The following KCNJ3 variants were observed in gnomAD, a reference collection of about 807,000 sequenced individuals.
The protein encoded by KCNJ3 is potassium inwardly rectifying channel subfamily J member 3, also known as G protein-activated inward rectifier potassium channel 1.
A neutral mutation model predicts 39.2 loss-of-function variants in KCNJ3; 4 were observed. The observed-to-expected ratio is 0.10, with a 90% confidence interval of 0.05 to 0.23. The LOEUF (loss-of-function observed/expected upper bound fraction) is 0.23. Ranked by LOEUF, KCNJ3 falls within the 10% of genes least tolerant of loss-of-function variation. The probability of loss-of-function intolerance (pLI) is 1.00; values close to 1 mark genes in which losing one functional copy is unlikely to be tolerated. For missense variants in KCNJ3, 276 were observed against 634.9 expected, an observed-to-expected ratio of 0.43 and a Z score of 6.08; for synonymous variants, 230 against 237.4, an observed-to-expected ratio of 0.97 and a Z score of 0.29.
At position 154,723,087 on chromosome 2, in the gene KCNJ3, A is replaced by C. The variant is rs984480517; in HGVS notation, c.919+13268A>C. ...CTTGAGCCCCCAGGAATTCAAGACC[A>C]ACCTGGGCAATATAAGAAGACCCTC... On this transcript the variant is annotated intron_variant, in intron 2 of 2. Transcript: ENST00000295101. Among the ~76,000 whole-genome samples the C allele has an allele frequency of 5.3e-5, 8 of 152,146 alleles. No homozygotes were observed. The East Asian group carries it at 1.6e-3, about 30-fold the overall frequency.
At chr2:154,725,536 T>TC (rs1685338952) in intron 2 of KCNJ3, among the ~76,000 whole-genome samples, 1 of 152,112 alleles carries the variant, frequency 6.6e-6, no homozygotes, top group Admixed American at 6.6e-5. Flanking sequence ...AGTGTTTTTT[T>TC]CCTAGAAATA....
chr2:154,849,364 G>A (rs1027209707), intron 2 of KCNJ3, among the ~76,000 whole-genome samples: 3 of 152,194 alleles, frequency 2.0e-5, no homozygotes, highest in South Asian at 2.1e-4. Flanking sequence ...TTTGTTTGAT[G>A]TACGTGTGAT....
intron 2 of KCNJ3, among the ~76,000 whole-genome samples, chr2:154,738,387 A>C (rs1010203067): frequency 6.6e-6 from 1 of 152,064 alleles, no homozygotes; most frequent in Non-Finnish European, 1.5e-5. Context: ...ATAATAACTT[A>C]ATTGCACATT....
intron 2 of KCNJ3, among the ~76,000 whole-genome samples, chr2:154,749,302 A>T (rs1443437942): frequency 1.3e-5 from 2 of 152,110 alleles, no homozygotes; most frequent in Admixed American, 1.3e-4. Flanking sequence ...ATGTGTATTT[A>T]TAGCAGGCTC....
intron 2 of KCNJ3, among the ~76,000 whole-genome samples, chr2:154,825,110 C>G (rs1009360216): frequency 1.3e-5 from 2 of 152,124 alleles, no homozygotes; most frequent in African/African-American, 4.8e-5. Flanking sequence ...AAGGTACTTT[C>G]TGGCTTCCCT....
chr2:154,709,702 C>G lies in KCNJ3; in HGVS notation c.802C>G (p.Leu268Val), dbSNP rs1487120736. Residue 268 changes from leucine (L) to valine (V), a missense_variant, in exon 2 of 3, where the codon CTC (leucine) becomes GTC (valine). Physicochemically the swap from Leu to Val is conservative, Grantham distance 32. Coordinates refer to ENST00000295101, the MANE Select transcript of KCNJ3 (RefSeq NM_002239.4). ...AGATCAACTTTTTCTTGTGTCCCCC[C>G]TCACAATTTGCCACGTGATCGATGC... ...GADQLFLVSP[L>V]TICHVIDAKS... 3 of 1,613,808 alleles carry G rather than the reference C, an allele frequency of 1.9e-6. No homozygotes were observed.
chr2:154,745,269 T>TTA (rs1685720976), intron 2 of KCNJ3, among the ~76,000 whole-genome samples: 1 of 152,044 alleles, frequency 6.6e-6, no homozygotes, highest in Non-Finnish European at 1.5e-5. Context: ...TTCTATATCC[T>TTA]TACTAGGTTT....
intron 2 of KCNJ3, among the ~76,000 whole-genome samples, chr2:154,796,751 G>A (rs1431366230): frequency 2.0e-5 from 3 of 152,088 alleles, no homozygotes; most frequent in Non-Finnish European, 2.9e-5. Context: ...TACCTTGTTA[G>A]CATTATTGCA....
At chr2:154,700,342 A>C (rs1194362004) in intron 1 of KCNJ3, among the ~76,000 whole-genome samples, 4 of 152,230 alleles carry the variant, frequency 2.6e-5, no homozygotes, top group African/African-American at 9.6e-5. Flanking sequence ...TCTAGTCGTT[A>C]GAGGGCACCA....
intron 2 of KCNJ3, among the ~76,000 whole-genome samples, chr2:154,745,052 G>C (rs1423143262): frequency 6.6e-6 from 1 of 151,746 alleles, no homozygotes; most frequent in East Asian, 1.9e-4. Context: ...TTCTGTCTCT[G>C]GTTTCTAGTT....
intron 2 of KCNJ3, among the ~76,000 whole-genome samples, chr2:154,818,780 A>G (rs1343213757): frequency 6.6e-6 from 1 of 152,190 alleles, no homozygotes; most frequent in Non-Finnish European, 1.5e-5. Flanking sequence ...CATGCATGGA[A>G]GTTTCAAAAC....
At chr2:154,774,960 G>A (rs1306133468) in intron 2 of KCNJ3, among the ~76,000 whole-genome samples, 2 of 152,088 alleles carry the variant, frequency 1.3e-5, no homozygotes, top group African/African-American at 4.8e-5. Flanking sequence ...TGTTGCCCAG[G>A]CTAGAGTGCA....
chr2:154,767,186 C>CT (rs200514089), intron 2 of KCNJ3, among the ~76,000 whole-genome samples: 9 of 148,776 alleles, frequency 6.0e-5, no homozygotes, highest in Non-Finnish European at 1.0e-4. Flanking sequence ...CATTCTTTAC[C>CT]TTTTTTTTTA....
chr2:154,730,213 T>C (rs1488320272), intron 2 of KCNJ3, among the ~76,000 whole-genome samples: 1 of 152,080 alleles, frequency 6.6e-6, no homozygotes, highest in African/African-American at 2.4e-5. Context: ...ATCTCTCCAT[T>C]GCATTGGTCA....
intron 2 of KCNJ3, among the ~76,000 whole-genome samples, chr2:154,818,224 G>T (rs543259643): frequency 3.9e-4 from 59 of 152,160 alleles, no homozygotes; most frequent in African/African-American, 1.4e-3. Flanking sequence ...ACTCCTCTAG[G>T]TTGTGGGGAA....
chr2:154,786,543 TTCAG>T (rs1686532552), intron 2 of KCNJ3, among the ~76,000 whole-genome samples: 1 of 152,218 alleles, frequency 6.6e-6, no homozygotes, highest in African/African-American at 2.4e-5. Context: ...CCATGTTGTT[TTCAG>T]TCAGTCAAAT....
rs1405891525 is a variant in KCNJ3, at chr2:154,853,965, CT to C, written c.920-761del. ...AACACTGATTTTAGCATATGGATTT[CT>C]GAAACTTGAGCAAAAGCTTATTCTG... is the stretch of plus-strand genomic sequence containing the variant. On this transcript the variant is annotated intron_variant, in intron 2 of 2. Transcript: ENST00000295101. 8.5e-5 allele frequency among the ~76,000 whole-genome samples: 13 copies of C among 152,242 alleles called. No individual in the cohort carries two copies. The South Asian group carries it at 2.7e-3, about 32-fold the overall frequency.
At chr2:154,734,520 G>A (rs1416408793) in intron 2 of KCNJ3, among the ~76,000 whole-genome samples, 2 of 152,118 alleles carry the variant, frequency 1.3e-5, no homozygotes, top group Non-Finnish European at 2.9e-5. Flanking sequence ...AAACAACAAA[G>A]ACCCTATATG....
At chr2:154,820,021 A>G (rs1260253989) in intron 2 of KCNJ3, among the ~76,000 whole-genome samples, 1 of 152,220 alleles carries the variant, frequency 6.6e-6, no homozygotes, top group African/African-American at 2.4e-5. Flanking sequence ...AAAATAGCAC[A>G]GAGTTGGAAA....
Sources: allele counts gnomAD v4.1 joint callset (sites outside exome capture counted in the v4.1 genomes callset), GRCh38; gene constraint gnomAD v4.1.1; transcripts MANE v1.5; gene names NCBI Gene and HGNC (gene_info 2026-07-23, HGNC 2026-07-21).